Variants in KCTD6 observed in about 807,000 individuals in gnomAD.
KCTD6 encodes BTB/POZ domain-containing protein KCTD6.
A neutral mutation model predicts 18.7 loss-of-function variants in KCTD6; 6 were observed. That is an observed-to-expected ratio of 0.32 (90% CI 0.18 to 0.63). The LOEUF is 0.63. Ranked by LOEUF, KCTD6 falls within the 30% of genes least tolerant of loss-of-function variation. The pLI, the probability that KCTD6 is intolerant of heterozygous loss-of-function variation, is 0.79. For synonymous variants in KCTD6, 86 were observed against 108.5 expected (o/e 0.79, Z 1.29); for missense variants, 165 against 300.2 (o/e 0.55, Z 3.33).
rs1327802195 is a variant in KCTD6 at position 58,492,499 on chromosome 3, G to A, written c.-44+330G>A. Among the ~76,000 whole-genome samples, 1 of 151,942 alleles carries A rather than the reference G, an allele frequency of 6.6e-6. No homozygotes were observed. Reference sequence around the variant, plus strand: ...GCCCGCCCTACCCCTGGCCGGGTCGGGTTGCGGGGGCTTCGCTGGCGGGGC... The same window carrying A: ...GCCCGCCCTACCCCTGGCCGGGTCGAGTTGCGGGGGCTTCGCTGGCGGGGC... On this transcript the variant is annotated intron_variant, in intron 1 of 2. Coordinates refer to ENST00000404589, the MANE Select transcript of KCTD6 (RefSeq NM_001128214.2). The surrounding 1 kb of genome is among the most constrained non-coding windows in gnomAD (Gnocchi z 6.1).
In KCTD6 at chr3:58,498,843, T is replaced by A. The variant is rs2107975998; in HGVS notation, c.27+61T>A. Reference sequence around the variant, plus strand: ...GGAATTATTTTTGTGTGTCTTTTTATCCTTATGTATTTTTAGGTATATCTT... The same window carrying A: ...GGAATTATTTTTGTGTGTCTTTTTAACCTTATGTATTTTTAGGTATATCTT... On this transcript the variant is annotated intron_variant, in intron 2 of 2. Coordinates refer to ENST00000404589, the MANE Select transcript of KCTD6 (RefSeq NM_001128214.2). The surrounding 1 kb of genome is among the most constrained non-coding windows in gnomAD (Gnocchi z 4.6). The A allele has an allele frequency of 7.2e-7, 1 of 1,381,804 alleles. No homozygotes were observed. Among genetic ancestry groups the A allele is most frequent in the South Asian group, 1.2e-5 (1 of 80,364 alleles). 85.6% of individuals were successfully genotyped at this position (1,381,804 alleles called of 1,614,324 possible). A position where few individuals can be genotyped will look rare whatever the true frequency, so the allele number is the denominator to read the frequency against.
chr3:58,497,280 G>A lies in KCTD6; in HGVS notation c.-43-1433G>A, dbSNP rs908474072. 4.6e-5 allele frequency among the ~76,000 whole-genome samples: 7 copies of A among 152,362 alleles called. No individual in the cohort carries two copies. The East Asian group carries it at 1.2e-3, about 25-fold the overall frequency. ...TCAGCCCATGCTGTGCTATGCAAAT[G>A]TTCTCTACATGCCTGAGTGACCTTT... On this transcript the variant is annotated intron_variant, in intron 1 of 2. Transcript: ENST00000404589. This position sits in a 1 kb window ranked among gnomAD's most constrained non-coding sequence, Gnocchi z 4.2.
intron 1 of KCTD6, among the ~76,000 whole-genome samples, chr3:58,495,800 C>T (rs868845603): frequency 6.6e-6 from 1 of 151,276 alleles, no homozygotes; most frequent in Non-Finnish European, 1.5e-5. Flanking sequence ...AATTATTAAG[C>T]GTGAGCTTTC....
rs114127696 is a variant in KCTD6 at position 58,493,505 on chromosome 3, G to A, written c.-44+1336G>A. Among the ~76,000 whole-genome samples, 1,051 of 152,294 alleles carry A rather than the reference G, an allele frequency of 6.9e-3. 10 individuals are homozygous for A. Among genetic ancestry groups the A allele is most frequent in the African/African-American group, 0.024 (1,007 of 41,548 alleles). Reference sequence around the variant, plus strand: ...TCAGCTTTAACTTGGAGATAATCCCGAGTCATGCTTTAAAGAAGTTCCTTC... The same window carrying A: ...TCAGCTTTAACTTGGAGATAATCCCAAGTCATGCTTTAAAGAAGTTCCTTC... On this transcript the variant is annotated intron_variant, in intron 1 of 2. Coordinates refer to ENST00000404589, the MANE Select transcript of KCTD6 (RefSeq NM_001128214.2). The surrounding 1 kb of genome is among the most constrained non-coding windows in gnomAD (Gnocchi z 4.5).
intron 2 of KCTD6, among the ~76,000 whole-genome samples, chr3:58,499,027 T>A (rs1397598332): frequency 6.6e-6 from 1 of 152,084 alleles, no homozygotes; most frequent in Non-Finnish European, 1.5e-5. Context: ...TGGAGTGCAG[T>A]GGCGCGATCT....
rs960708902 is a variant in KCTD6 at position 58,493,237 on chromosome 3, C to G, written c.-44+1068C>G. On this transcript the variant is annotated intron_variant, in intron 1 of 2. Coordinates refer to ENST00000404589, the MANE Select transcript of KCTD6 (RefSeq NM_001128214.2). The surrounding 1 kb of genome is among the most constrained non-coding windows in gnomAD (Gnocchi z 4.5). Reference sequence around the variant, plus strand: ...TAGGTTGAGAGTATTTTCTCTTTGGCCGAAACCATCAGTCCATACTGATAC... The same window carrying G: ...TAGGTTGAGAGTATTTTCTCTTTGGGCGAAACCATCAGTCCATACTGATAC... Among the ~76,000 whole-genome samples, 4 of 152,140 alleles carry G rather than the reference C, an allele frequency of 2.6e-5. No homozygotes were observed. Among genetic ancestry groups the G allele is most frequent in the African/African-American group, 9.7e-5 (4 of 41,428 alleles).
At position 58,493,221 on chromosome 3, in the gene KCTD6, A is replaced by T. The variant is rs905024137; in HGVS notation, c.-44+1052A>T. ...TTGTCAGCAGGGTTGGTAGGTTGAG[A>T]GTATTTTCTCTTTGGCCGAAACCAT... On this transcript the variant is annotated intron_variant, in intron 1 of 2. Transcript: ENST00000404589. The surrounding 1 kb of genome is among the most constrained non-coding windows in gnomAD (Gnocchi z 4.5). Among the ~76,000 whole-genome samples, 3 of 152,178 alleles carry T rather than the reference A, an allele frequency of 2.0e-5. No homozygotes were observed. The highest frequency in any genetic ancestry group is 4.4e-5 in the Non-Finnish European group (3 of 68,024).
Position 58,498,799 on chromosome 3 carries a change from G to A in KCTD6, c.27+17G>A, listed in dbSNP as rs1266677126. The A allele has an allele frequency of 1.2e-6, 2 of 1,603,468 alleles. No individual in the cohort carries two copies. Among genetic ancestry groups the A allele is most frequent in the Admixed American group, 3.4e-5 (2 of 58,856 alleles). On this transcript the variant is annotated intron_variant, in intron 2 of 2. Coordinates refer to ENST00000404589, the MANE Select transcript of KCTD6 (RefSeq NM_001128214.2). The surrounding 1 kb of genome is among the most constrained non-coding windows in gnomAD (Gnocchi z 4.6). ...GGCTATATGGTGAGTGCTTCTTGGA[G>A]ATGCATTTTGAAGGCTGGGGAATTA...
Position 58,496,834 on chromosome 3 carries a change from T to C in KCTD6, c.-43-1879T>C, listed in dbSNP as rs1023998778. On this transcript the variant is annotated intron_variant, in intron 1 of 2. Transcript: ENST00000404589. This position sits in a 1 kb window ranked among gnomAD's most constrained non-coding sequence, Gnocchi z 5.1. ...CTCCATAGGTGACCCACAATAATTG[T>C]TGGCTGAATGAATGATTATTGAGGC... Among the ~76,000 whole-genome samples the C allele has an allele frequency of 6.6e-6, 1 of 152,242 alleles. No homozygotes were observed. Among genetic ancestry groups the C allele is most frequent in the African/African-American group, 2.4e-5 (1 of 41,470 alleles).
At position 58,497,796 on chromosome 3, in the gene KCTD6, A is replaced by T. The variant is rs2063185924; in HGVS notation, c.-43-917A>T. On this transcript the variant is annotated intron_variant, in intron 1 of 2. Coordinates refer to ENST00000404589, the MANE Select transcript of KCTD6 (RefSeq NM_001128214.2). The surrounding 1 kb of genome is among the most constrained non-coding windows in gnomAD (Gnocchi z 4.2). ...ATTGTACAAAGAGAAATACATCATT[A>T]TTTAAAAGCATCATCTTTTTTTTTT... 6.6e-6 allele frequency: 1 copy of T among 152,026 alleles called. No homozygotes were observed. Among genetic ancestry groups the T allele is most frequent in the Non-Finnish European group, 1.5e-5 (1 of 68,008 alleles). 9.4% of individuals were successfully genotyped at this position (152,026 alleles called of 1,614,324 possible).
At position 58,497,844 on chromosome 3, in the gene KCTD6, C is replaced by T. The variant is rs1187893688; in HGVS notation, c.-43-869C>T. 2 of 151,784 alleles carry T rather than the reference C, an allele frequency of 1.3e-5. No homozygotes were observed. The highest frequency in any genetic ancestry group is 4.8e-5 in the African/African-American group (2 of 41,266). 9.4% of individuals were successfully genotyped at this position (151,784 alleles called of 1,614,324 possible). A position where few individuals can be genotyped will look rare whatever the true frequency, so the allele number is the denominator to read the frequency against. ...TTTATATTGTAAGATAAATACCATTCTGATGTATTTCTCTTGGAAAGGGAT... is the reference window on the plus strand; with the variant it reads ...TTTATATTGTAAGATAAATACCATTTTGATGTATTTCTCTTGGAAAGGGAT... On this transcript the variant is annotated intron_variant, in intron 1 of 2. Coordinates refer to ENST00000404589, the MANE Select transcript of KCTD6 (RefSeq NM_001128214.2). The surrounding 1 kb of genome is among the most constrained non-coding windows in gnomAD (Gnocchi z 4.2).
chr3:58,499,474 A>G (rs534975585), intron 2 of KCTD6, among the ~76,000 whole-genome samples: 3 of 144,052 alleles, frequency 2.1e-5, no homozygotes, highest in East Asian at 4.1e-4. Flanking sequence ...CTATTTTTCT[A>G]TTCCTTTGGT....
At position 58,492,317 on chromosome 3, in the gene KCTD6, G is replaced by C. The variant is rs1365499792; in HGVS notation, c.-44+148G>C. On this transcript the variant is annotated intron_variant, in intron 1 of 2. Coordinates refer to ENST00000404589, the MANE Select transcript of KCTD6 (RefSeq NM_001128214.2). The surrounding 1 kb of genome is among the most constrained non-coding windows in gnomAD (Gnocchi z 6.1). ...CGGGGCGGCGGCGGGGCCGCGTTGA[G>C]GGGACCGCGCGTCCCGGGCTGGCAC... The C allele has an allele frequency of 6.7e-6, 1 of 149,818 alleles. No individual in the cohort carries two copies. The highest frequency in any genetic ancestry group is 1.5e-5 in the Non-Finnish European group (1 of 67,164). 9.3% of individuals were successfully genotyped at this position (149,818 alleles called of 1,614,324 possible).
rs1028952178 is a variant in KCTD6, at chr3:58,492,455, C to T, written c.-44+286C>T. Among the ~76,000 whole-genome samples the T allele has an allele frequency of 1.3e-5, 2 of 151,590 alleles. No individual in the cohort carries two copies. The highest frequency in any genetic ancestry group is 6.6e-5 in the Admixed American group (1 of 15,230). On this transcript the variant is annotated intron_variant, in intron 1 of 2. Transcript: ENST00000404589. This position sits in a 1 kb window ranked among gnomAD's most constrained non-coding sequence, Gnocchi z 6.1. ...GTTCGGAGCCCCGCGGCGCGCCCCT[C>T]GTCCGGGCCCGGAGCATCGCCCGCC...
Position 58,501,939 on chromosome 3 carries a change from T to G in KCTD6, c.*307T>G, listed in dbSNP as rs1475881664. On this transcript the variant is annotated 3_prime_UTR_variant, in exon 3 of 3. Coordinates refer to ENST00000404589, the MANE Select transcript of KCTD6 (RefSeq NM_001128214.2). The surrounding 1 kb of genome is among the most constrained non-coding windows in gnomAD (Gnocchi z 9.7). ...TTTCTTATTACAGTGCTAAAATGAT[T>G]TCTGATAAAATGGTCCCTAACTCAA... 5.3e-6 allele frequency: 1 copy of G among 190,476 alleles called. No individual in the cohort carries two copies. The highest frequency in any genetic ancestry group is 2.3e-5 in the African/African-American group (1 of 43,060). 11.8% of individuals were successfully genotyped at this position (190,476 alleles called of 1,614,324 possible).
In KCTD6 at chr3:58,498,696, T is replaced by G. The variant is rs1276188050; in HGVS notation, c.-43-17T>G. 130 of 1,356,174 alleles carry G rather than the reference T, an allele frequency of 9.6e-5. No individual in the cohort carries two copies. The highest frequency in any genetic ancestry group is 8.4e-6 in the Non-Finnish European group (8 of 948,106). The allele number at this position is 1,356,174 out of a possible 1,614,324, so 84.0% of individuals were successfully genotyped here. A position where few individuals can be genotyped will look rare whatever the true frequency, so the allele number is the denominator to read the frequency against. The stretch of plus-strand genomic sequence containing the variant: ...AGTTATATATGCTATCATATGTCTG[T>G]TTTTCTCCTCTTGAAGTTTCCCTGA... On this transcript the variant is annotated splice_polypyrimidine_tract_variant and intron_variant, in intron 1 of 2. Coordinates refer to ENST00000404589, the MANE Select transcript of KCTD6 (RefSeq NM_001128214.2). This position sits in a 1 kb window ranked among gnomAD's most constrained non-coding sequence, Gnocchi z 4.6.
rs145080358 is a variant in KCTD6, at chr3:58,495,447, G to A, written c.-43-3266G>A. Among the ~76,000 whole-genome samples, 63 of 152,222 alleles carry A rather than the reference G, an allele frequency of 4.1e-4. No individual in the cohort carries two copies. The East Asian group carries it at 0.011, about 27-fold the overall frequency. The stretch of plus-strand genomic sequence containing the variant: ...CGTTTCAGAGATGTTCCTAATGGTC[G>A]TCAATTCAGAATTCAGAAGCCGATC... On this transcript the variant is annotated intron_variant, in intron 1 of 2. Coordinates refer to ENST00000404589, the MANE Select transcript of KCTD6 (RefSeq NM_001128214.2).
chr3:58,501,287 G>C lies in KCTD6; in HGVS notation c.369G>C (p.Leu123=), dbSNP rs770240659. 9 of 1,613,762 alleles carry C rather than the reference G, an allele frequency of 5.6e-6. No homozygotes were observed. Among genetic ancestry groups the C allele is most frequent in the Non-Finnish European group, 7.6e-6 (9 of 1,179,968 alleles). ...PMDTFEEVVE[L]SSTRKLSKYS... Reference sequence around the variant, plus strand: ...ATACTTTTGAAGAAGTTGTGGAGCTGTCTAGTACTCGGAAGCTTTCTAAGT... The same window carrying C: ...ATACTTTTGAAGAAGTTGTGGAGCTCTCTAGTACTCGGAAGCTTTCTAAGT... The change falls in exon 3 of 3, where the codon CTG becomes CTC. Residue 123 remains leucine, a synonymous_variant. Coordinates refer to ENST00000404589, the MANE Select transcript of KCTD6 (RefSeq NM_001128214.2). The surrounding 1 kb of genome is among the most constrained non-coding windows in gnomAD (Gnocchi z 9.7).
intron 2 of KCTD6, 135 bp from the exon 3 acceptor site, chr3:58,500,811 T>C (rs775756016): frequency 1.1e-5 from 6 of 540,674 alleles, no homozygotes; most frequent in Non-Finnish European, 1.9e-5. Context: ...TAAAGTCATT[T>C]TGCATTAGAG....
Sources: gnomAD v4.1 joint callset for allele counts (sites outside exome capture counted in the v4.1 genomes callset) on GRCh38, gnomAD v4.1.1 for gene constraint, Gnocchi (gnomAD v3.1) non-coding constraint, MANE v1.5 for transcripts, NCBI Gene and HGNC (gene_info 2026-07-23, HGNC 2026-07-21) for gene names.